The following MYO5B variants were observed in gnomAD, a reference collection of about 807,000 sequenced individuals.
MYO5B encodes the protein unconventional myosin-Vb.
Under a neutral mutation model 229.3 loss-of-function variants are expected in MYO5B, and 143 were observed. The ratio of observed to expected loss-of-function variants is 0.62; its 90% confidence interval spans 0.54 to 0.72. The LOEUF (loss-of-function observed/expected upper bound fraction) is 0.72, where lower values mean the gene tolerates loss of function less well. Ranked by LOEUF, MYO5B falls within the 30% of genes least tolerant of loss-of-function variation. The pLI, the probability that MYO5B is intolerant of heterozygous loss-of-function variation, is 0.00. For missense variants in MYO5B, 2,321 were observed against 2,331.0 expected, an observed-to-expected ratio of 1.00 and a Z score of 0.09; for synonymous variants, 918 against 885.2, an observed-to-expected ratio of 1.04 and a Z score of -0.66.
chr18:50,174,641 G>A (rs1216159366), intron 1 of MYO5B, among the ~76,000 whole-genome samples: 1 of 152,178 alleles, frequency 6.6e-6, no homozygotes, highest in Non-Finnish European at 1.5e-5. Context: ...GATGTTTTCT[G>A]AAGGGGAAAA....
intron 15 of MYO5B, 77 bp from the exon 16 acceptor site, chr18:49,936,426 T>A: frequency 9.8e-7 from 1 of 1,017,174 alleles, no homozygotes; most frequent in Non-Finnish European, 1.5e-6. Flanking sequence ...CATATATGGG[T>A]GGCGGTAGTT....
chr18:50,179,695 G>A (rs2033045371), intron 1 of MYO5B, among the ~76,000 whole-genome samples: 1 of 152,204 alleles, frequency 6.6e-6, no homozygotes, highest in Non-Finnish European at 1.5e-5. Context: ...GGGACAGCCT[G>A]CTCTCTAAAG....
intron 16 of MYO5B, among the ~76,000 whole-genome samples, chr18:49,934,557 T>C (rs1452632524): frequency 6.6e-6 from 1 of 152,204 alleles, no homozygotes; most frequent in Admixed American, 6.5e-5. Flanking sequence ...CCAGCTGGTA[T>C]AGAGCCCTCA....
At chr18:49,879,255 G>C (rs2024560701) in intron 23 of MYO5B, 165 bp from the exon 24 acceptor site, 1 of 775,930 alleles carries the variant, frequency 1.3e-6, no homozygotes, top group Non-Finnish European at 2.2e-6. Context: ...GCAAAGGTGA[G>C]TCTCATTACT....
intron 9 of MYO5B, among the ~76,000 whole-genome samples, chr18:49,978,604 T>C (rs1026790757): frequency 4.6e-5 from 7 of 151,704 alleles, no homozygotes; most frequent in Non-Finnish European, 7.4e-5. Flanking sequence ...AGCACCACAA[T>C]AGATGCTGGT....
intron 4 of MYO5B, among the ~76,000 whole-genome samples, chr18:50,007,210 T>A (rs1470674517): frequency 6.6e-6 from 1 of 152,214 alleles, no homozygotes; most frequent in East Asian, 1.9e-4. Flanking sequence ...AGCCTATCCC[T>A]GGCACCTCCT....
intron 1 of MYO5B, among the ~76,000 whole-genome samples, chr18:50,083,719 A>G (rs62098954): frequency 6.6e-6 from 1 of 152,106 alleles, no homozygotes; most frequent in African/African-American, 2.4e-5. Flanking sequence ...CTGCAACTAC[A>G]TGAGCTCAGT....
chr18:50,076,722 C>T (rs1276529241), intron 1 of MYO5B, among the ~76,000 whole-genome samples: 1 of 152,186 alleles, frequency 6.6e-6, no homozygotes, highest in African/African-American at 2.4e-5. Flanking sequence ...GCCCCCGCTG[C>T]CTTCCTGCTC....
At chr18:49,941,909 GC>G (rs1316818700) in intron 14 of MYO5B, among the ~76,000 whole-genome samples, 1 of 129,984 alleles carries the variant, frequency 7.7e-6, no homozygotes, top group East Asian at 2.0e-4. Context: ...GAGGCATCAT[GC>G]TACCTGACTT....
intron 1 of MYO5B, among the ~76,000 whole-genome samples, chr18:50,120,583 T>A (rs925833076): frequency 6.6e-6 from 1 of 152,172 alleles, no homozygotes; most frequent in African/African-American, 2.4e-5. Context: ...GTATGCAGAA[T>A]GCCCTGGACA....
Position 50,036,841 on chromosome 18 carries a change from C to T in MYO5B, c.455+9G>A. On this transcript the variant is annotated intron_variant, in intron 4 of 39. Transcript: ENST00000285039. The stretch of plus-strand genomic sequence containing the variant: ...CTCAGGAGGACTTCTGGGCTGAGGA[C>T]ATTCTCACCTGGCCATCTGCTTGTA... 1 of 1,614,068 alleles carries T rather than the reference C, an allele frequency of 6.2e-7. No homozygotes were observed. The highest frequency in any genetic ancestry group is 8.5e-7 in the Non-Finnish European group (1 of 1,180,012).
intron 3 of MYO5B, among the ~76,000 whole-genome samples, 174 bp from the exon 4 acceptor site, chr18:50,037,168 C>T (rs1175494629): frequency 6.6e-6 from 1 of 151,728 alleles, no homozygotes; most frequent in Non-Finnish European, 1.5e-5. Context: ...CTTCAGATCT[C>T]CAAATACCCT....
At chr18:50,026,271 G>A (rs1287688666) in intron 4 of MYO5B, among the ~76,000 whole-genome samples, 2 of 145,654 alleles carry the variant, frequency 1.4e-5, no homozygotes, top group African/African-American at 5.1e-5. Context: ...TTCCTGCAAT[G>A]GAATATATTA....
chr18:50,194,901 G>A lies in MYO5B; in HGVS notation c.-108C>T, dbSNP rs1256314507. The A allele has an allele frequency of 2.1e-5, 25 of 1,215,988 alleles. No homozygotes were observed. The East Asian group carries it at 6.4e-4, about 31-fold the overall frequency. 75.3% of individuals were successfully genotyped at this position (1,215,988 alleles called of 1,614,324 possible). ...TTCCCGGGCTGGCCTGGAGTTTCTC[G>A]ATCTTCTCGCTCTTCTCCGACCTGC... On this transcript the variant is annotated 5_prime_UTR_variant, in exon 1 of 40. Coordinates refer to ENST00000285039, the MANE Select transcript of MYO5B (RefSeq NM_001080467.3).
chr18:49,974,609 C>G lies in MYO5B; in HGVS notation c.1063G>C (p.Asp355His). The G allele has an allele frequency of 6.2e-7, 1 of 1,613,342 alleles. No homozygotes were observed. Among genetic ancestry groups the G allele is most frequent in the Non-Finnish European group, 8.5e-7 (1 of 1,179,522 alleles). The part of the protein sequence containing the change: ...DGDSCSISPQ[D>H]VYLSNFCRLL... Reference sequence around the variant, plus strand: ...CGGCAGAAGTTGCTTAGGTATACATCCTGGGGCTGTGGGAGATGGGGGAGA... The same window carrying G: ...CGGCAGAAGTTGCTTAGGTATACATGCTGGGGCTGTGGGAGATGGGGGAGA... Residue 355 changes from aspartate (D) to histidine (H), a missense_variant, in exon 10 of 40, where the codon GAT becomes CAT. Physicochemically the swap from Asp to His is moderately conservative, Grantham distance 81. Transcript: ENST00000285039.
chr18:50,043,048 G>C (rs868424038), intron 2 of MYO5B, among the ~76,000 whole-genome samples: 1 of 149,462 alleles, frequency 6.7e-6, no homozygotes, highest in East Asian at 2.0e-4. Flanking sequence ...ACTAAAAGTA[G>C]AACTACCATT....
At chr18:50,047,079 A>G (rs1568085094) in intron 2 of MYO5B, among the ~76,000 whole-genome samples, 1 of 152,218 alleles carries the variant, frequency 6.6e-6, no homozygotes, top group Non-Finnish European at 1.5e-5. Flanking sequence ...AAAAGCCAAA[A>G]TTGACAAATG....
chr18:50,048,749 A>G (rs929438357), intron 2 of MYO5B, among the ~76,000 whole-genome samples: 2 of 152,108 alleles, frequency 1.3e-5, no homozygotes, highest in East Asian at 1.9e-4. Flanking sequence ...TGGGCCAGTC[A>G]TGGTGGCTCA....
chr18:50,118,550 A>G (rs1443266744), intron 1 of MYO5B, among the ~76,000 whole-genome samples: 1 of 151,412 alleles, frequency 6.6e-6, no homozygotes, highest in African/African-American at 2.4e-5. Flanking sequence ...TATTATTATT[A>G]TACTTTAAGT....
Sources: allele counts gnomAD v4.1 joint callset (sites outside exome capture counted in the v4.1 genomes callset), GRCh38; gene constraint gnomAD v4.1.1; transcripts MANE v1.5; gene names NCBI Gene and HGNC (gene_info 2026-07-23, HGNC 2026-07-21).